Variants in UBE3A observed in about 807,000 individuals in gnomAD.
The protein encoded by UBE3A is ubiquitin protein ligase E3A.
A neutral mutation model predicts 83.4 loss-of-function variants in UBE3A; 6 were observed. The ratio of observed to expected loss-of-function variants is 0.07; its 90% confidence interval spans 0.04 to 0.14. UBE3A has a LOEUF of 0.14. Ranked by LOEUF, UBE3A falls within the 10% of genes least tolerant of loss-of-function variation. The pLI is 1.00. For synonymous variants in UBE3A, 337 were observed against 355.4 expected, an observed-to-expected ratio of 0.95 and a Z score of 0.58; for missense variants, 456 against 1,036.1, an observed-to-expected ratio of 0.44 and a Z score of 7.69.
At chr15:25,351,043 A>G (rs1310855586) in intron 11 of UBE3A, among the ~76,000 whole-genome samples, 2 of 152,216 alleles carry the variant, frequency 1.3e-5, no homozygotes, top group Non-Finnish European at 2.9e-5. Flanking sequence ...ATTTCACTGT[A>G]TTCAAATTTT....
chr15:25,432,696 G>A lies in UBE3A; in HGVS notation c.-165+5793C>T, dbSNP rs113087366. Among the ~76,000 whole-genome samples, 384 of 152,186 alleles carry A rather than the reference G, an allele frequency of 2.5e-3. 3 individuals carry two copies. Among genetic ancestry groups the A allele is most frequent in the African/African-American group, 8.6e-3 (357 of 41,512 alleles). On this transcript the variant is annotated intron_variant, in intron 1 of 12. Transcript: ENST00000648336. ...TTGATCCTGAGGAGATGAACTTCTG[G>A]AACACACAAAACTGTTAAGAGTCAC...
At chr15:25,434,922 G>A (rs1190714535) in intron 1 of UBE3A, among the ~76,000 whole-genome samples, 4 of 151,408 alleles carry the variant, frequency 2.6e-5, no homozygotes, top group African/African-American at 9.7e-5. Context: ...CAAAATTAGA[G>A]TATTTGAAGA....
intron 1 of UBE3A, among the ~76,000 whole-genome samples, 181 bp from the exon 2 acceptor site, chr15:25,412,152 G>T (rs1192628817): frequency 6.6e-6 from 1 of 152,052 alleles, no homozygotes; most frequent in African/African-American, 2.4e-5. Flanking sequence ...AGGTAGGCAG[G>T]CCCTGTGGCC....
intron 6 of UBE3A, among the ~76,000 whole-genome samples, chr15:25,368,520 ACTGC>A (rs1166726194): frequency 6.6e-6 from 1 of 152,104 alleles, no homozygotes; most frequent in Non-Finnish European, 1.5e-5. Context: ...AGTTTATTAA[ACTGC>A]CTAACACACA....
chr15:25,389,761 G>A lies in UBE3A; in HGVS notation c.63-13998C>T, dbSNP rs144139580. On this transcript the variant is annotated intron_variant, in intron 4 of 12. Coordinates refer to ENST00000648336, the MANE Select transcript of UBE3A (RefSeq NM_130839.5). ...AAATTAGCCAGGTGTGGTGGTGCAC[G>A]GGTATAATCCCAGCTACTCGGGAGG... Among the ~76,000 whole-genome samples the A allele has an allele frequency of 6.5e-3, 987 of 152,150 alleles. 30 individuals are homozygous for A. The highest frequency in any genetic ancestry group is 0.057 in the Admixed American group (876 of 15,282).
chr15:25,386,432 T>C (rs2083151542), intron 4 of UBE3A, among the ~76,000 whole-genome samples: 1 of 152,132 alleles, frequency 6.6e-6, no homozygotes, highest in African/African-American at 2.4e-5. Context: ...ATTAATATGC[T>C]AAGGGCCCTA....
At chr15:25,405,667 G>A in intron 3 of UBE3A, 165 bp from the exon 4 acceptor site, 2 of 695,034 alleles carry the variant, frequency 2.9e-6, no homozygotes, top group Non-Finnish European at 2.5e-6. Context: ...AGATCAGGTG[G>A]CCATACAACA....
chr15:25,436,503 T>C (rs1333496192), intron 1 of UBE3A, among the ~76,000 whole-genome samples: 1 of 152,202 alleles, frequency 6.6e-6, no homozygotes, highest in Admixed American at 6.5e-5. Context: ...TGACTGACAC[T>C]GAGAGAAACA....
rs2074023973 is a variant in UBE3A, at chr15:25,337,342, TAAGATGA to T, written c.*1788_*1794del. On this transcript the variant is annotated 3_prime_UTR_variant, in exon 13 of 13. Coordinates refer to ENST00000648336, the MANE Select transcript of UBE3A (RefSeq NM_130839.5). ...AGAAGCACAGTGGATGAGAAGCCTT[TAAGATGA>T]CTACAGTTGCACGAAGGTCCCTTTC... The T allele has an allele frequency of 6.6e-6, 1 of 152,168 alleles. No individual in the cohort carries two copies. Among genetic ancestry groups the T allele is most frequent in the Non-Finnish European group, 1.5e-5 (1 of 68,020 alleles). 9.4% of individuals were successfully genotyped at this position (152,168 alleles called of 1,614,324 possible).
intron 11 of UBE3A, among the ~76,000 whole-genome samples, chr15:25,341,292 C>T (rs1348298442): frequency 6.6e-6 from 1 of 151,598 alleles, no homozygotes; most frequent in Admixed American, 6.6e-5. Flanking sequence ...GGATGGGTCT[C>T]GATCTCCTGA....
intron 4 of UBE3A, among the ~76,000 whole-genome samples, chr15:25,399,291 A>G (rs1364592897): frequency 6.6e-6 from 1 of 152,098 alleles, no homozygotes; most frequent in East Asian, 1.9e-4. Context: ...AACCAATGTC[A>G]TGTACATTTC....
At chr15:25,416,885 C>T (rs1887144938) in intron 1 of UBE3A, among the ~76,000 whole-genome samples, 1 of 152,036 alleles carries the variant, frequency 6.6e-6, no homozygotes, top group South Asian at 2.1e-4. Flanking sequence ...TTCCAACCTG[C>T]AGTCAATGGA....
At position 25,335,516 on chromosome 15, in the gene UBE3A, G is replaced by A. The variant is rs908063158; in HGVS notation, c.*3621C>T. The stretch of plus-strand genomic sequence containing the variant: ...CGGGTGAGTCAGAGGATCAGGACCT[G>A]TAAGGGCAGTATAAAGAAGGAAGGA... On this transcript the variant is annotated 3_prime_UTR_variant, in exon 13 of 13. Coordinates refer to ENST00000648336, the MANE Select transcript of UBE3A (RefSeq NM_130839.5). 1 of 152,146 alleles carries A rather than the reference G, an allele frequency of 6.6e-6. No homozygotes were observed. The highest frequency in any genetic ancestry group is 2.4e-5 in the African/African-American group (1 of 41,420). The allele number at this position is 152,146 out of a possible 1,614,324, so 9.4% of individuals were successfully genotyped here. A position where few individuals can be genotyped will look rare whatever the true frequency, so the allele number is the denominator to read the frequency against.
intron 6 of UBE3A, among the ~76,000 whole-genome samples, chr15:25,369,555 TCAGA>T (rs763721704): frequency 2.0e-4 from 31 of 152,166 alleles, no homozygotes; most frequent in Non-Finnish European, 3.7e-4. Context: ...GTTGTCTGTG[TCAGA>T]CAACTTTACT....
chr15:25,356,168 A>G (rs1254643162), intron 8 of UBE3A, 112 bp from the exon 9 acceptor site: 1 of 1,366,446 alleles, frequency 7.3e-7, no homozygotes, highest in Non-Finnish European at 1.0e-6. Context: ...AAAATTGTAA[A>G]AAGTGTAGAC....
chr15:25,380,509 G>A (rs1277909547), intron 4 of UBE3A, among the ~76,000 whole-genome samples: 4 of 151,786 alleles, frequency 2.6e-5, no homozygotes, highest in African/African-American at 4.8e-5. Flanking sequence ...GAGCAAATCC[G>A]TAAAATAAAA....
At chr15:25,426,616 T>C (rs1271386001) in intron 1 of UBE3A, among the ~76,000 whole-genome samples, 1 of 152,174 alleles carries the variant, frequency 6.6e-6, no homozygotes. Context: ...AAAACAAAAT[T>C]TGATTTAGTG....
At chr15:25,424,306 A>G (rs147246886) in intron 1 of UBE3A, among the ~76,000 whole-genome samples, 1 of 152,230 alleles carries the variant, frequency 6.6e-6, no homozygotes, top group Non-Finnish European at 1.5e-5. Flanking sequence ...CTTCCCCCAA[A>G]TATCCACATG....
At chr15:25,364,641 GTTTGTTTTTT>G (rs1287869810) in intron 6 of UBE3A, among the ~76,000 whole-genome samples, 1 of 132,484 alleles carries the variant, frequency 7.5e-6, no homozygotes, top group Non-Finnish European at 1.6e-5. Context: ...GGTTTTTTTT[GTTTGTTTTTT>G]TTTTTTTTTT....
Sources: allele counts gnomAD v4.1 joint callset (sites outside exome capture counted in the v4.1 genomes callset), GRCh38; gene constraint gnomAD v4.1.1; transcripts MANE v1.5; gene names NCBI Gene and HGNC (gene_info 2026-07-23, HGNC 2026-07-21).